LRR1: variants seen among roughly 807,000 people sequenced by gnomAD.
LRR1 encodes the protein leucine-rich repeat protein 1.
LRR1 carries 29 observed loss-of-function variants against 31.6 expected under a neutral mutation model. That is an observed-to-expected ratio of 0.92 (90% CI 0.68 to 1.25). LRR1 has a LOEUF of 1.25. Among genes scored for constraint, LRR1 ranks in the 50% most tolerant of loss-of-function variants. LRR1 has a pLI of 0.00. For missense variants in LRR1, 485 were observed against 487.2 expected, an observed-to-expected ratio of 1.00 and a Z score of 0.04; for synonymous variants, 179 against 181.4, an observed-to-expected ratio of 0.99 and a Z score of 0.10.
rs1485808845 is a variant in LRR1 at position 49,611,786 on chromosome 14, C to T, written c.1005-2470C>T. On this transcript the variant is annotated intron_variant, in intron 3 of 3. Coordinates refer to ENST00000298288, the MANE Select transcript of LRR1 (RefSeq NM_152329.4). ...AAAAATACAAAAATTAACAGGGTGT[C>T]GTGGCGGGCACCTGTAGTCTCAGCT... Among the ~76,000 whole-genome samples the T allele has an allele frequency of 3.3e-5, 5 of 151,508 alleles. No homozygotes were observed. In the South Asian group the frequency reaches 6.2e-4, roughly 19 times the overall value.
rs753441957 is a variant in LRR1, at chr14:49,614,561, G to A, written c.*65G>A. The stretch of plus-strand genomic sequence containing the variant: ...TTTGGGGTGCATGTATGATTTTGCA[G>A]CGTCAAATTGGAGTAAGGGAAGATT... On this transcript the variant is annotated 3_prime_UTR_variant, in exon 4 of 4. Coordinates refer to ENST00000298288, the MANE Select transcript of LRR1 (RefSeq NM_152329.4). 7 of 1,600,166 alleles carry A rather than the reference G, an allele frequency of 4.4e-6. No individual in the cohort carries two copies. Among genetic ancestry groups the A allele is most frequent in the Middle Eastern group, 1.7e-4 (1 of 6,056 alleles).
At chr14:49,603,806 G>GCC (rs1166490707) in intron 2 of LRR1, among the ~76,000 whole-genome samples, 3 of 142,552 alleles carry the variant, frequency 2.1e-5, no homozygotes, top group Non-Finnish European at 4.5e-5. Context: ...CGATTCTCCT[G>GCC]CCCCAGCCTC....
Position 49,607,407 on chromosome 14 carries a change from C to G in LRR1, c.290C>G (p.Ser97Cys), listed in dbSNP as rs184774048. ...CAACTTTTATTTATTCAGGCCATTT[C>G]CAGCAGTTTAAAAGGTTTCCTTTCA... ...PVDICLSKAI[S>C]SSLKGFLSAM... is the part of the protein sequence containing the mutation. Residue 97 changes from serine to cysteine, a missense_variant, in exon 3 of 4, where the codon TCC becomes TGC. Ser to Cys is a moderately radical substitution (Grantham distance 112). This residue lies in a region of LRR1 where 260 missense variants were observed against 249.6 expected (regional missense o/e 1.04). Transcript: ENST00000298288. 6.4e-7 allele frequency: 1 copy of G among 1,560,272 alleles called. No individual in the cohort carries two copies. Among genetic ancestry groups the G allele is most frequent in the East Asian group, 2.3e-5 (1 of 44,416 alleles).
Position 49,614,343 on chromosome 14 carries a change from G to A in LRR1, c.1092G>A (p.Leu364=). The A allele has an allele frequency of 6.2e-7, 1 of 1,613,882 alleles. No individual in the cohort carries two copies. The highest frequency in any genetic ancestry group is 8.5e-7 in the Non-Finnish European group (1 of 1,179,948). Residue 364 remains leucine, a synonymous_variant, in exon 4 of 4, where the codon CTG becomes CTA. Coordinates refer to ENST00000298288, the MANE Select transcript of LRR1 (RefSeq NM_152329.4). ...AKICVCGRFC[L]NSFIQGTTTM... is the part of the protein sequence containing the mutation. ...TTTGTGTTTGTGGAAGATTCTGTCTGAACTCTTTCATTCAAGGAACTACTA... is the reference window on the plus strand; with the variant it reads ...TTTGTGTTTGTGGAAGATTCTGTCTAAACTCTTTCATTCAAGGAACTACTA...
chr14:49,603,748 C>G (rs1228366610), intron 2 of LRR1: 32 of 934,894 alleles, frequency 3.4e-5, no homozygotes, highest in Non-Finnish European at 4.0e-5. Context: ...GGCTGGATTA[C>G]AGTGGCGTGA....
intron 2 of LRR1, among the ~76,000 whole-genome samples, chr14:49,603,126 T>G (rs1882133906): frequency 6.6e-6 from 1 of 152,084 alleles, no homozygotes; most frequent in African/African-American, 2.4e-5. Context: ...ATTACAGGCG[T>G]GAGCCACTGT....
chr14:49,611,419 G>A (rs1237933054), intron 3 of LRR1, among the ~76,000 whole-genome samples: 1 of 152,072 alleles, frequency 6.6e-6, no homozygotes, highest in Non-Finnish European at 1.5e-5. Flanking sequence ...AGGTTGCAGT[G>A]AGCCGAGATG....
chr14:49,610,403 G>A (rs183349783), intron 3 of LRR1, among the ~76,000 whole-genome samples: 2,302 of 147,392 alleles, frequency 0.016, 54 homozygotes, highest in African/African-American at 0.055. Context: ...ACAGGCTCCC[G>A]CCACCACGGC....
chr14:49,600,484 C>A, intron 1 of LRR1: 1 of 1,585,516 alleles, frequency 6.3e-7, no homozygotes, highest in South Asian at 1.1e-5. Flanking sequence ...GTGGAATGTT[C>A]AGCTTTAACC....
chr14:49,601,508 T>C, intron 1 of LRR1: 3 of 750,050 alleles, frequency 4.0e-6, no homozygotes, highest in Non-Finnish European at 6.0e-6. Flanking sequence ...TAAATTTTTT[T>C]TGAGCACTCA....
At position 49,608,899 on chromosome 14, in the gene LRR1, C is replaced by CTT. The variant is rs34457930; in HGVS notation, c.1004+804_1004+805dup. 5.3e-3 allele frequency among the ~76,000 whole-genome samples: 383 copies of CTT among 71,600 alleles called. 47 individuals carry two copies. The highest frequency in any genetic ancestry group is 7.7e-3 in the Non-Finnish European group (310 of 40,094). The allele number at this position is 71,600 out of a possible 152,430, so 47.0% of individuals were successfully genotyped here. A position where few individuals can be genotyped will look rare whatever the true frequency, so the allele number is the denominator to read the frequency against. On this transcript the variant is annotated intron_variant, in intron 3 of 3. Transcript: ENST00000298288. ...TCACCACTTTGTATGACTTTAACCTCTTTTTTTTTTTTTTTTTTTTTTTTT... is the reference window on the plus strand; with the variant it reads ...TCACCACTTTGTATGACTTTAACCTCTTTTTTTTTTTTTTTTTTTTTTTTTTT...
intron 3 of LRR1, among the ~76,000 whole-genome samples, chr14:49,611,612 A>G (rs1196385634): frequency 2.0e-5 from 3 of 151,782 alleles, no homozygotes; most frequent in Non-Finnish European, 4.4e-5. Context: ...TCTCTAAGAC[A>G]TACATAAAAG....
At chr14:49,609,217 CTTTTTTTTTTT>C (rs746422046) in intron 3 of LRR1, among the ~76,000 whole-genome samples, 13 of 76,906 alleles carry the variant, frequency 1.7e-4, no homozygotes, top group Admixed American at 4.5e-4. Flanking sequence ...ACACCTGGCC[CTTTTTTTTTTT>C]TTTTTTTTTT....
At position 49,600,250 on chromosome 14, in the gene LRR1, T is replaced by G; in HGVS notation, c.183+1047T>G. On this transcript the variant is annotated intron_variant, in intron 1 of 3. Transcript: ENST00000298288. ...TACCCAATGACCGACGTCTTCCTTA[T>G]ATGCTTCTCGGTGGTAAATCCAGCC... The G allele has an allele frequency of 3.4e-6, 5 of 1,487,976 alleles. No homozygotes were observed. The East Asian group carries it at 9.0e-5, about 27-fold the overall frequency. The allele number at this position is 1,487,976 out of a possible 1,614,324, so 92.2% of individuals were successfully genotyped here. A position where few individuals can be genotyped will look rare whatever the true frequency, so the allele number is the denominator to read the frequency against.
chr14:49,602,442 C>A lies in LRR1; in HGVS notation c.256C>A (p.Pro86Thr). 2.5e-6 allele frequency: 4 copies of A among 1,613,434 alleles called. No homozygotes were observed. Among genetic ancestry groups the A allele is most frequent in the East Asian group, 2.2e-5 (1 of 44,862 alleles). The stretch of plus-strand genomic sequence containing the variant: ...GAAAGCCACTGTTCGGTTAAAGGAG[C>A]CTCCTGTGGATATCTGTCTAAGTAA... ...EGKATVRLKEPPVDICLSKAI... is the reference protein window; with the variant it reads ...EGKATVRLKETPVDICLSKAI... Residue 86 changes from proline to threonine, a missense_variant, in exon 2 of 4, where the codon CCT becomes ACT. This residue lies in a region of LRR1 where 260 missense variants were observed against 249.6 expected (regional missense o/e 1.04). Coordinates refer to ENST00000298288, the MANE Select transcript of LRR1 (RefSeq NM_152329.4).
intron 3 of LRR1, chr14:49,612,457 G>C (rs1046788648): frequency 9.1e-6 from 11 of 1,214,092 alleles, no homozygotes; most frequent in African/African-American, 1.6e-5. Context: ...ACTGTTGTCT[G>C]TTTCCTCAAT....
intron 2 of LRR1, 29 bp downstream of exon 2, chr14:49,602,497 T>C (rs746763335): frequency 1.7e-5 from 27 of 1,543,058 alleles, no homozygotes; most frequent in Non-Finnish European, 2.2e-5. Flanking sequence ...TAATGATTAA[T>C]ATTTGGCTGT....
At chr14:49,601,618 C>A in intron 1 of LRR1, 1 of 1,289,500 alleles carries the variant, frequency 7.8e-7, no homozygotes, top group Non-Finnish European at 1.0e-6. Flanking sequence ...GGAGGTGTGC[C>A]CACCCCAGGC....
intron 3 of LRR1, chr14:49,612,441 T>A: frequency 8.3e-7 from 1 of 1,202,428 alleles, no homozygotes; most frequent in East Asian, 6.1e-5. Flanking sequence ...GAAAATACAG[T>A]TTTTAACTGT....
Sources: gnomAD v4.1 joint callset for allele counts (sites outside exome capture counted in the v4.1 genomes callset) on GRCh38, gnomAD v4.1.1 for gene constraint, gnomAD v4.1.1 regional missense constraint, MANE v1.5 for transcripts, NCBI Gene and HGNC (gene_info 2026-07-23, HGNC 2026-07-21) for gene names.